Variants in CADM1 observed in about 807,000 individuals in gnomAD.
CADM1 encodes the protein TSLC-1.
CADM1 carries 15 observed loss-of-function variants against 53.1 expected under a neutral mutation model. The ratio of observed to expected loss-of-function variants is 0.28; its 90% CI spans 0.19 to 0.44. CADM1 has a LOEUF of 0.44. Ranked by LOEUF, CADM1 falls within the 20% of genes least tolerant of loss-of-function variation. The pLI is 1.00. For synonymous variants in CADM1, 281 were observed against 243.0 expected, an observed-to-expected ratio of 1.16 and a Z score of -1.45; for missense variants, 434 against 611.3, an observed-to-expected ratio of 0.71 and a Z score of 3.06.
chr11:115,443,033 A>T (rs528685999), intron 1 of CADM1, among the ~76,000 whole-genome samples: 4 of 152,360 alleles, frequency 2.6e-5, no homozygotes, highest in African/African-American at 9.6e-5. Flanking sequence ...ATCTGAAGAA[A>T]ATGTTGCCTT....
intron 9 of CADM1, among the ~76,000 whole-genome samples, chr11:115,192,953 A>G (rs1458028406): frequency 6.6e-6 from 1 of 152,178 alleles, no homozygotes; most frequent in Non-Finnish European, 1.5e-5. Context: ...CTGGCATTAA[A>G]TTTGTTTTTG....
intron 1 of CADM1, among the ~76,000 whole-genome samples, chr11:115,458,454 G>T (rs915990612): frequency 3.3e-5 from 5 of 150,660 alleles, no homozygotes; most frequent in African/African-American, 1.2e-4. Context: ...ACTTAGCAGG[G>T]TGCTTGGCAG....
chr11:115,326,624 C>T (rs764713258), intron 1 of CADM1, among the ~76,000 whole-genome samples: 1 of 152,156 alleles, frequency 6.6e-6, no homozygotes, highest in Non-Finnish European at 1.5e-5. Flanking sequence ...ATCTAGAATA[C>T]AAATTAGCAA....
intron 10 of CADM1, among the ~76,000 whole-genome samples, chr11:115,181,609 C>T (rs1032777278): frequency 6.6e-5 from 10 of 152,178 alleles, no homozygotes; most frequent in East Asian, 3.9e-4. Flanking sequence ...AGCGCCTCAC[C>T]GCCTCTTCCC....
chr11:115,329,583 G>A (rs528712154), intron 1 of CADM1, among the ~76,000 whole-genome samples: 248 of 152,212 alleles, frequency 1.6e-3, no homozygotes, highest in Admixed American at 3.0e-3. Flanking sequence ...CCATAGTAGC[G>A]TCTAGGGCTG....
rs1555045534 is a variant in CADM1, at chr11:115,231,541, G to A, written c.425-51C>T. On this transcript the variant is annotated intron_variant, in intron 3 of 11. Transcript: ENST00000331581. ...TAAACACAGAATGCATTTTTGCATT[G>A]TTGCTATCAAAAAGGAGAAAAACAG... 1.9e-6 allele frequency: 3 copies of A among 1,561,962 alleles called. No individual in the cohort carries two copies. In the African/African-American group the frequency reaches 4.0e-5, roughly 21 times the overall value.
At chr11:115,223,170 C>T (rs770667674) in intron 5 of CADM1, among the ~76,000 whole-genome samples, 27 of 152,116 alleles carry the variant, frequency 1.8e-4, no homozygotes, top group Non-Finnish European at 3.2e-4. Flanking sequence ...CACGAGTTCC[C>T]GTTAGTCCTC....
chr11:115,346,905 C>A (rs940774980), intron 1 of CADM1, among the ~76,000 whole-genome samples: 1 of 152,000 alleles, frequency 6.6e-6, no homozygotes, highest in Non-Finnish European at 1.5e-5. Flanking sequence ...CTATGTATAG[C>A]CGTATTTAAC....
chr11:115,435,049 C>T (rs994273211), intron 1 of CADM1, among the ~76,000 whole-genome samples: 2 of 151,604 alleles, frequency 1.3e-5, no homozygotes, highest in African/African-American at 4.8e-5. Flanking sequence ...TTAGTAGAGA[C>T]AGGGTTTCTC....
chr11:115,445,132 T>C (rs1169264406), intron 1 of CADM1, among the ~76,000 whole-genome samples: 1 of 152,246 alleles, frequency 6.6e-6, no homozygotes, highest in African/African-American at 2.4e-5. Flanking sequence ...AATAGATTTA[T>C]GTCAACCTGT....
intron 1 of CADM1, among the ~76,000 whole-genome samples, chr11:115,485,520 G>A (rs189418294): frequency 2.0e-5 from 3 of 152,294 alleles, no homozygotes; most frequent in South Asian, 2.1e-4. Flanking sequence ...GGGACCCAGT[G>A]GGAGACAACT....
At chr11:115,287,145 T>C (rs1007159637) in intron 1 of CADM1, among the ~76,000 whole-genome samples, 2 of 152,204 alleles carry the variant, frequency 1.3e-5, no homozygotes, top group Non-Finnish European at 2.9e-5. Flanking sequence ...TTCTCTCAAT[T>C]AAGAATGACA....
chr11:115,251,080 G>A (rs1387601890), intron 1 of CADM1, among the ~76,000 whole-genome samples: 1 of 152,216 alleles, frequency 6.6e-6, no homozygotes, highest in Non-Finnish European at 1.5e-5. Flanking sequence ...CAACCAGCAT[G>A]TTCCAATATG....
At chr11:115,335,015 A>G (rs1197955182) in intron 1 of CADM1, among the ~76,000 whole-genome samples, 2 of 152,148 alleles carry the variant, frequency 1.3e-5, no homozygotes, top group African/African-American at 4.8e-5. Flanking sequence ...AATTTCCAAC[A>G]AGTAGTCATT....
At chr11:115,415,584 C>A (rs1468505682) in intron 1 of CADM1, among the ~76,000 whole-genome samples, 3 of 151,936 alleles carry the variant, frequency 2.0e-5, no homozygotes, top group Admixed American at 2.0e-4. Flanking sequence ...CATCTGTAAT[C>A]CCAGCACTTT....
chr11:115,352,238 A>C (rs10891836), intron 1 of CADM1, among the ~76,000 whole-genome samples: 49,115 of 152,144 alleles, frequency 0.32, 9,034 homozygotes, highest in Non-Finnish European at 0.43. Flanking sequence ...ATTGTGACGG[A>C]AAGTCTGTCC....
chr11:115,464,902 G>A (rs10891859), intron 1 of CADM1, among the ~76,000 whole-genome samples: 37,612 of 152,000 alleles, frequency 0.25, 5,909 homozygotes, highest in Non-Finnish European at 0.36. Flanking sequence ...ATCCTTTATC[G>A]ATCTCCTAAT....
chr11:115,445,332 G>A (rs1948424840), intron 1 of CADM1, among the ~76,000 whole-genome samples: 1 of 152,092 alleles, frequency 6.6e-6, no homozygotes, highest in African/African-American at 2.4e-5. Context: ...AGGACCGTGG[G>A]CCAGTTACTT....
rs11215561 is a variant in CADM1, at chr11:115,442,710, C to T, written c.124+61561G>A. Reference sequence around the variant, plus strand: ...CCAAGCTAGACTATATATTAATATTCCCAGTAAAGAGCTTGACTAAAAGTA... The same window carrying T: ...CCAAGCTAGACTATATATTAATATTTCCAGTAAAGAGCTTGACTAAAAGTA... On this transcript the variant is annotated intron_variant, in intron 1 of 11. Coordinates refer to ENST00000331581, the MANE Select transcript of CADM1 (RefSeq NM_001301043.2). Among the ~76,000 whole-genome samples, 761 of 152,190 alleles carry T rather than the reference C, an allele frequency of 5.0e-3. 6 individuals carry two copies. The highest frequency in any genetic ancestry group is 0.018 in the African/African-American group (730 of 41,540).
Sources: allele counts gnomAD v4.1 joint callset (sites outside exome capture counted in the v4.1 genomes callset), GRCh38; gene constraint gnomAD v4.1.1; transcripts MANE v1.5; gene names NCBI Gene and HGNC (gene_info 2026-07-23, HGNC 2026-07-21).